The following SREK1 variants were observed in gnomAD, a reference collection of about 807,000 sequenced individuals.
The protein encoded by SREK1 is splicing regulatory glutamic acid and lysine rich protein 1.
SREK1 carries 13 observed loss-of-function variants against 66.5 expected under a neutral mutation model. The observed-to-expected ratio is 0.20, with a 90% CI of 0.13 to 0.31. SREK1 has a LOEUF of 0.31. Among genes scored for constraint, SREK1 ranks in the 10% least tolerant of loss-of-function variants. The pLI is 1.00. For synonymous variants in SREK1, 265 were observed against 263.5 expected (o/e 1.01, Z -0.05); for missense variants, 607 against 769.6 (o/e 0.79, Z 2.50).
Position 66,170,824 on chromosome 5 carries a change from A to G in SREK1, c.1361A>G (p.Asp454Gly). 6.2e-7 allele frequency: 1 copy of G among 1,613,604 alleles called. No homozygotes were observed. Among genetic ancestry groups the G allele is most frequent in the African/African-American group, 1.3e-5 (1 of 75,014 alleles). Residue 454 changes from aspartate to glycine, a missense_variant, in exon 9 of 12, where the codon GAC becomes GGC. This residue lies in a region of SREK1 where 318 missense variants were observed against 310.3 expected (regional missense o/e 1.02). Transcript: ENST00000334121. ...GACAAAGAGAAGGAAAAGGAACAGG[A>G]CAAAGAAAAGGAACGAGAAAAAGAC... Reference protein sequence around the residue: ...DRDKEKEKEQDKEKEREKDRS... With the variant: ...DRDKEKEKEQGKEKEREKDRS...
intron 2 of SREK1, chr5:66,156,493 C>T (rs1295572381): frequency 2.0e-6 from 2 of 997,174 alleles, no homozygotes; most frequent in African/African-American, 1.7e-5. Flanking sequence ...TGTATGGACT[C>T]ATAAGGTACA....
In SREK1 at chr5:66,144,530, C is replaced by T. The variant is rs1742974777; in HGVS notation, c.154C>T (p.Pro52Ser). ...LGEIEELRLY[P>S]PDNAPLAFSS... ...AGAAATCGAGGAGCTGCGGCTCTAC[C>T]CCCCGGAGTAAGTGCTGGAGCTCGG... The change falls in exon 1 of 12, where the codon CCC (proline) becomes TCC (serine). Residue 52 changes from proline (P) to serine (S), a missense_variant. By Grantham distance (74) the Pro-to-Ser change is moderately conservative. This residue lies in a region of SREK1 where 75 missense variants were observed against 72.9 expected (regional missense o/e 1.03). Coordinates refer to ENST00000334121, the MANE Select transcript of SREK1 (RefSeq NM_001077199.3). 1.3e-6 allele frequency: 2 copies of T among 1,551,820 alleles called. No individual in the cohort carries two copies. The highest frequency in any genetic ancestry group is 1.2e-5 in the South Asian group (1 of 84,098).
chr5:66,163,533 A>T, intron 5 of SREK1: 1 of 302,292 alleles, frequency 3.3e-6, no homozygotes, highest in South Asian at 5.6e-5. Flanking sequence ...AAAGCACTTC[A>T]TCTAGTCTGT....
intron 1 of SREK1, 90 bp from the exon 2 acceptor site, chr5:66,153,373 T>C (rs1044877141): frequency 6.0e-6 from 9 of 1,499,138 alleles, no homozygotes; most frequent in African/African-American, 1.4e-5. Context: ...TTCGTAAGAT[T>C]ATGTAAAGGT....
Position 66,162,420 on chromosome 5 carries a change from A to G in SREK1, c.583A>G (p.Thr195Ala). The G allele has an allele frequency of 1.2e-6, 2 of 1,613,930 alleles. No individual in the cohort carries two copies. The highest frequency in any genetic ancestry group is 1.3e-5 in the African/African-American group (1 of 75,044). Reference sequence around the variant, plus strand: ...TGTCACTTTGTTCCCTTAGACAACGACAGCTGATCAACTACTTGAATTTTT... The same window carrying G: ...TGTCACTTTGTTCCCTTAGACAACGGCAGCTGATCAACTACTTGAATTTTT... Reference protein sequence around the residue: ...YVGNLNSQTTTADQLLEFFKQ... With the variant: ...YVGNLNSQTTAADQLLEFFKQ... The change falls in exon 5 of 12, where the codon ACA becomes GCA. Residue 195 changes from threonine to alanine, a missense_variant. Physicochemically the swap from Thr to Ala is moderately conservative, Grantham distance 58. Coordinates refer to ENST00000334121, the MANE Select transcript of SREK1 (RefSeq NM_001077199.3).
chr5:66,162,963 C>G (rs1744887688), intron 5 of SREK1: 1 of 158,264 alleles, frequency 6.3e-6, no homozygotes, highest in Non-Finnish European at 1.4e-5. Flanking sequence ...CCAGTAACAA[C>G]TGTGGTAAAT....
In SREK1 at chr5:66,179,384, T is replaced by G. The variant is rs1746328939; in HGVS notation, c.*516T>G. The G allele has an allele frequency of 1.3e-5, 2 of 152,654 alleles. No homozygotes were observed. The highest frequency in any genetic ancestry group is 2.9e-5 in the Non-Finnish European group (2 of 67,964). The allele number at this position is 152,654 out of a possible 1,614,324, so 9.5% of individuals were successfully genotyped here. A position where few individuals can be genotyped will look rare whatever the true frequency, so the allele number is the denominator to read the frequency against. The stretch of plus-strand genomic sequence containing the variant: ...AGTTTTAACATTTACTTCACAGGAC[T>G]TGTGATTGTGTTAAATTCTCACTAT... On this transcript the variant is annotated 3_prime_UTR_variant, in exon 12 of 12. Coordinates refer to ENST00000334121, the MANE Select transcript of SREK1 (RefSeq NM_001077199.3).
chr5:66,177,170 G>A (rs1746119857), intron 10 of SREK1, among the ~76,000 whole-genome samples: 1 of 152,090 alleles, frequency 6.6e-6, no homozygotes, highest in Non-Finnish European at 1.5e-5. Context: ...GCGAAATGAG[G>A]CGGATACATA....
At position 66,156,868 on chromosome 5, in the gene SREK1, T is replaced by C. The variant is rs1032485959; in HGVS notation, c.296-2351T>C. ...TTTTTTGTTGAATATTTTTCAGAGG[T>C]TACTAGCTTCTAAATGGATTCTGAG... On this transcript the variant is annotated intron_variant, in intron 2 of 11. Coordinates refer to ENST00000334121, the MANE Select transcript of SREK1 (RefSeq NM_001077199.3). 7.1e-6 allele frequency: 7 copies of C among 983,588 alleles called. No homozygotes were observed. In the African/African-American group the frequency reaches 7.1e-5, roughly 10 times the overall value. The allele number at this position is 983,588 out of a possible 1,614,324, so 60.9% of individuals were successfully genotyped here.
rs376190617 is a variant in SREK1, at chr5:66,181,875, G to A, written c.*3007G>A. The stretch of plus-strand genomic sequence containing the variant: ...TGCTCAATTAAAAATAAACACTGGC[G>A]TTTATAATGAAAAGGTTTTTTTGTC... On this transcript the variant is annotated 3_prime_UTR_variant, in exon 12 of 12. Transcript: ENST00000334121. The A allele has an allele frequency of 3.7e-4, 43 of 116,254 alleles. No homozygotes were observed. The highest frequency in any genetic ancestry group is 1.1e-3 in the African/African-American group (34 of 30,240). The allele number at this position is 116,254 out of a possible 1,614,324, so 7.2% of individuals were successfully genotyped here. A position where few individuals can be genotyped will look rare whatever the true frequency, so the allele number is the denominator to read the frequency against.
chr5:66,165,279 T>C (rs1745080487), intron 7 of SREK1: 1 of 161,838 alleles, frequency 6.2e-6, no homozygotes, highest in African/African-American at 2.4e-5. Flanking sequence ...GTTGCAGCTT[T>C]TTTGTTTTGT....
chr5:66,147,696 C>T (rs1743376826), intron 1 of SREK1, among the ~76,000 whole-genome samples: 1 of 152,128 alleles, frequency 6.6e-6, no homozygotes, highest in South Asian at 2.1e-4. Flanking sequence ...CCACTAAAGC[C>T]ACTTTATAGA....
chr5:66,179,643 C>T lies in SREK1; in HGVS notation c.*775C>T, dbSNP rs1746348233. The T allele has an allele frequency of 6.6e-6, 1 of 152,454 alleles. No individual in the cohort carries two copies. The highest frequency in any genetic ancestry group is 1.5e-5 in the Non-Finnish European group (1 of 67,952). 9.4% of individuals were successfully genotyped at this position (152,454 alleles called of 1,614,324 possible). ...TTTAAATTTTCTTGACATTTCCAAG[C>T]TTATTATGAATAATATTGCAGTGTG... On this transcript the variant is annotated 3_prime_UTR_variant, in exon 12 of 12. Coordinates refer to ENST00000334121, the MANE Select transcript of SREK1 (RefSeq NM_001077199.3).
rs1305301637 is a variant in SREK1, at chr5:66,170,796, C to G, written c.1333C>G (p.Arg445Gly). Residue 445 changes from arginine to glycine, a missense_variant, in exon 9 of 12, where the codon CGA becomes GGA. By Grantham distance (125) the Arg-to-Gly change is moderately radical. Around this residue, in one of 5 missense-constraint regions of SREK1, gnomAD observed 318 missense variants for 310.3 expected, o/e 1.02. Transcript: ENST00000334121. ...REREKEHEKD[R>G]DKEKEKEQDK... ...ACGGGAAAAAGAGCATGAGAAGGAT[C>G]GAGACAAAGAGAAGGAAAAGGAACA... The G allele has an allele frequency of 5.6e-6, 9 of 1,606,818 alleles. No individual in the cohort carries two copies. Among genetic ancestry groups the G allele is most frequent in the African/African-American group, 2.7e-5 (2 of 73,920 alleles).
At chr5:66,151,311 CAT>C (rs1453774832) in intron 1 of SREK1, among the ~76,000 whole-genome samples, 5 of 152,174 alleles carry the variant, frequency 3.3e-5, no homozygotes, top group African/African-American at 1.2e-4. Context: ...AATAGTGACA[CAT>C]GTCAGTTCTG....
intron 11 of SREK1, 81 bp downstream of exon 11, chr5:66,177,739 G>A (rs1472562635): frequency 4.9e-6 from 6 of 1,221,628 alleles, no homozygotes; most frequent in Non-Finnish European, 6.7e-6. Context: ...AAGCTCTTTG[G>A]GGAACAGTGT....
At chr5:66,159,031 CTT>C in intron 2 of SREK1, 186 bp from the exon 3 acceptor site, 2 of 1,416,992 alleles carry the variant, frequency 1.4e-6, no homozygotes, top group Non-Finnish European at 1.8e-6. Flanking sequence ...GTTTTGCTCA[CTT>C]TTATTTTTCC....
At position 66,144,391 on chromosome 5, in the gene SREK1, C is replaced by G; in HGVS notation, c.15C>G (p.Gly5=). 6.5e-7 allele frequency: 1 copy of G among 1,548,168 alleles called. No homozygotes were observed. Among genetic ancestry groups the G allele is most frequent in the Non-Finnish European group, 8.7e-7 (1 of 1,144,940 alleles). MNSG[G]GFGLGLGFGL... Reference sequence around the variant, plus strand: ...GCGGGATCGGGATGAACAGCGGCGGCGGCTTCGGTTTGGGCTTAGGCTTCG... The same window carrying G: ...GCGGGATCGGGATGAACAGCGGCGGGGGCTTCGGTTTGGGCTTAGGCTTCG... Residue 5 remains glycine, a synonymous_variant, in exon 1 of 12, where the codon GGC becomes GGG. Transcript: ENST00000334121.
At chr5:66,149,256 A>G (rs149896378) in intron 1 of SREK1, among the ~76,000 whole-genome samples, 2 of 152,260 alleles carry the variant, frequency 1.3e-5, no homozygotes, top group South Asian at 2.1e-4. Context: ...GGGAGGCGGC[A>G]GGAGAATCGC....
Sources: allele counts gnomAD v4.1 joint callset (sites outside exome capture counted in the v4.1 genomes callset), GRCh38; gene constraint gnomAD v4.1.1; regional missense constraint gnomAD v4.1.1; transcripts MANE v1.5; gene names NCBI Gene and HGNC (gene_info 2026-07-23, HGNC 2026-07-21).